Variants in MIR2052HG observed in about 807,000 individuals in gnomAD.
MIR2052HG encodes MIR2052 host gene.
At chr8:74,618,121 C>T (rs1358904204) in intron 2 of MIR2052HG, among the ~76,000 whole-genome samples, 1 of 152,188 alleles carries the variant, frequency 6.6e-6, no homozygotes, top group Non-Finnish European at 1.5e-5. Flanking sequence ...CATGTGATGG[C>T]CCCCAATTCC....
intron 2 of MIR2052HG, among the ~76,000 whole-genome samples, chr8:74,624,800 G>T (rs541063834): frequency 6.6e-6 from 1 of 152,238 alleles, no homozygotes; most frequent in Non-Finnish European, 1.5e-5. Flanking sequence ...GATCATACCT[G>T]CCTGTGGAAT....
intron 4 of MIR2052HG, among the ~76,000 whole-genome samples, chr8:74,707,658 C>G (rs73687254): frequency 6.6e-6 from 1 of 151,952 alleles, no homozygotes; most frequent in African/African-American, 2.4e-5. Flanking sequence ...AGTCCAGATG[C>G]TCCTGGAGTG....
At chr8:74,610,725 A>G (rs1035920147) in intron 1 of MIR2052HG, among the ~76,000 whole-genome samples, 2 of 152,064 alleles carry the variant, frequency 1.3e-5, no homozygotes, top group African/African-American at 2.4e-5. Flanking sequence ...AAGGCAATTC[A>G]GTGGAGAACA....
chr8:74,629,698 A>G (rs1290774504), intron 2 of MIR2052HG, among the ~76,000 whole-genome samples: 1 of 152,178 alleles, frequency 6.6e-6, no homozygotes, highest in African/African-American at 2.4e-5. Context: ...GCATTGGCCC[A>G]GTACAAGGTA....
chr8:74,628,095 G>A (rs1052239266), intron 2 of MIR2052HG, among the ~76,000 whole-genome samples: 6 of 152,108 alleles, frequency 3.9e-5, no homozygotes, highest in African/African-American at 1.2e-4. Flanking sequence ...ACATGGGCAC[G>A]AGGAAGAGAG....
chr8:74,717,273 T>C (rs1438466035), intron 4 of MIR2052HG, among the ~76,000 whole-genome samples: 1 of 152,158 alleles, frequency 6.6e-6, no homozygotes, highest in African/African-American at 2.4e-5. Flanking sequence ...TTTCTGTTCC[T>C]GTGTTAGCTC....
intron 2 of MIR2052HG, among the ~76,000 whole-genome samples, chr8:74,691,355 A>G (rs1164122008): frequency 6.6e-6 from 1 of 152,214 alleles, no homozygotes; most frequent in Non-Finnish European, 1.5e-5. Context: ...CCTGTGGCAC[A>G]GGTGCTCTGA....
chr8:74,721,200 G>A (rs1266394285), intron 4 of MIR2052HG, among the ~76,000 whole-genome samples: 2 of 152,116 alleles, frequency 1.3e-5, no homozygotes, highest in Non-Finnish European at 2.9e-5. Context: ...GGATGGGCTG[G>A]GGGTTGCAGG....
intron 4 of MIR2052HG, among the ~76,000 whole-genome samples, chr8:74,746,791 T>G (rs1157432622): frequency 6.6e-6 from 1 of 151,940 alleles, no homozygotes; most frequent in Non-Finnish European, 1.5e-5. Context: ...ATGTTTGAAA[T>G]GGAGAGCACT....
intron 4 of MIR2052HG, among the ~76,000 whole-genome samples, chr8:74,742,191 T>A (rs1307745970): frequency 6.6e-6 from 1 of 152,158 alleles, no homozygotes; most frequent in African/African-American, 2.4e-5. Flanking sequence ...AAATACAAGA[T>A]CACAAAAGAT....
At chr8:74,631,724 G>C (rs752160133) in intron 2 of MIR2052HG, among the ~76,000 whole-genome samples, 1 of 152,168 alleles carries the variant, frequency 6.6e-6, no homozygotes, top group Non-Finnish European at 1.5e-5. Flanking sequence ...TTTATTTCCT[G>C]TATTTTTGGA....
chr8:74,636,420 A>G (rs1808581327), intron 2 of MIR2052HG, among the ~76,000 whole-genome samples: 1 of 152,158 alleles, frequency 6.6e-6, no homozygotes, highest in Non-Finnish European at 1.5e-5. Flanking sequence ...AGTTCCATAT[A>G]TAAATTTATG....
At chr8:74,726,374 T>C (rs1374046371) in intron 4 of MIR2052HG, among the ~76,000 whole-genome samples, 1 of 152,202 alleles carries the variant, frequency 6.6e-6, no homozygotes. Context: ...TTATTTTCAT[T>C]ATTTTGAGAT....
intron 4 of MIR2052HG, among the ~76,000 whole-genome samples, chr8:74,732,881 A>G (rs1809707002): frequency 6.6e-6 from 1 of 152,094 alleles, no homozygotes; most frequent in South Asian, 2.1e-4. Flanking sequence ...AGGTGGGTGA[A>G]GGCTGACTTG....
rs189006407 is a variant in MIR2052HG, at chr8:74,623,562, A to C, written n.216+10622A>C. Among the ~76,000 whole-genome samples the C allele has an allele frequency of 7.2e-5, 11 of 152,372 alleles. 1 individual carries two copies. The highest frequency in any genetic ancestry group is 7.2e-4 in the Admixed American group (11 of 15,308). On this transcript the variant is annotated intron_variant and non_coding_transcript_variant, in intron 2 of 6. Coordinates refer to ENST00000523442, the Ensembl canonical transcript of MIR2052HG. ...TTTATTCTAAAATAAATACAATGTC[A>C]TTATTAAAAAGGTCTTTTAGGACTT... is the stretch of plus-strand genomic sequence containing the variant.
chr8:74,682,664 T>C (rs1192058949), intron 2 of MIR2052HG, among the ~76,000 whole-genome samples: 1 of 152,170 alleles, frequency 6.6e-6, no homozygotes, highest in Non-Finnish European at 1.5e-5. Flanking sequence ...TGCCAAGTGT[T>C]TTGAGTGCTC....
At chr8:74,728,532 G>A (rs1672448597) in intron 4 of MIR2052HG, among the ~76,000 whole-genome samples, 4 of 152,132 alleles carry the variant, frequency 2.6e-5, no homozygotes, top group Admixed American at 2.6e-4. Flanking sequence ...CTTCAAAAAG[G>A]ATGTAGTCTA....
intron 2 of MIR2052HG, among the ~76,000 whole-genome samples, chr8:74,658,481 C>T (rs1191869653): frequency 2.0e-5 from 3 of 151,972 alleles, no homozygotes; most frequent in Non-Finnish European, 4.4e-5. Context: ...ACCTCCACCT[C>T]CCAGCTTCAA....
chr8:74,601,781 C>G (rs1299979122), intron 1 of MIR2052HG, among the ~76,000 whole-genome samples: 1 of 152,092 alleles, frequency 6.6e-6, no homozygotes, highest in Non-Finnish European at 1.5e-5. Context: ...CTGGCATTAG[C>G]TGACTGTACT....
Sources: gnomAD v4.1 joint callset for allele counts (sites outside exome capture counted in the v4.1 genomes callset) on GRCh38, gnomAD v4.1.1 for gene constraint, MANE v1.5 for transcripts, NCBI Gene and HGNC (gene_info 2026-07-23, HGNC 2026-07-21) for gene names.